RSRC1: variants seen among roughly 807,000 people sequenced by gnomAD.
The protein encoded by RSRC1 is arginine and serine rich coiled-coil 1.
A neutral mutation model predicts 49.1 loss-of-function variants in RSRC1; 39 were observed. The observed-to-expected ratio is 0.79, with a 90% CI of 0.61 to 1.04. RSRC1 has a LOEUF of 1.04. Among genes scored for constraint, RSRC1 ranks in the 50% least tolerant of loss-of-function variants. RSRC1 has a pLI of 0.00. For missense variants in RSRC1, 388 were observed against 402.4 expected, an observed-to-expected ratio of 0.96 and a Z score of 0.31; for synonymous variants, 143 against 130.8, an observed-to-expected ratio of 1.09 and a Z score of -0.63.
intron 4 of RSRC1, among the ~76,000 whole-genome samples, chr3:158,228,587 T>TA (rs964789087): frequency 3.3e-5 from 5 of 151,684 alleles, no homozygotes; most frequent in Non-Finnish European, 5.9e-5. Flanking sequence ...TAAAATTCCT[T>TA]AAAAAAAATT....
At chr3:158,457,374 G>GT (rs1244337100) in intron 6 of RSRC1, among the ~76,000 whole-genome samples, 2 of 152,210 alleles carry the variant, frequency 1.3e-5, no homozygotes, top group East Asian at 3.8e-4. Context: ...TGAGAGATTA[G>GT]TTGGCTGGTG....
intron 4 of RSRC1, among the ~76,000 whole-genome samples, chr3:158,277,056 G>A (rs1725858107): frequency 6.6e-6 from 1 of 152,150 alleles, no homozygotes; most frequent in Non-Finnish European, 1.5e-5. Flanking sequence ...AGGCAAAATT[G>A]AAGGTATCCT....
intron 5 of RSRC1, among the ~76,000 whole-genome samples, chr3:158,324,144 C>G (rs542790995): frequency 9.2e-5 from 14 of 152,082 alleles, no homozygotes; most frequent in Non-Finnish European, 1.9e-4. Context: ...AATTATTTCT[C>G]TATTGTTAGG....
At chr3:158,497,582 G>T (rs188166632) in intron 7 of RSRC1, among the ~76,000 whole-genome samples, 1 of 151,874 alleles carries the variant, frequency 6.6e-6, no homozygotes, top group Non-Finnish European at 1.5e-5. Flanking sequence ...GACTACAGGC[G>T]CGTGCCACCA....
chr3:158,329,527 C>G (rs541886711), intron 5 of RSRC1, among the ~76,000 whole-genome samples: 1 of 152,202 alleles, frequency 6.6e-6, no homozygotes, highest in Non-Finnish European at 1.5e-5. Flanking sequence ...GCCTGGGTAT[C>G]AGCAGCAGAG....
intron 3 of RSRC1, among the ~76,000 whole-genome samples, chr3:158,184,882 A>T (rs1719836508): frequency 6.6e-6 from 1 of 152,066 alleles, no homozygotes; most frequent in African/African-American, 2.4e-5. Context: ...CTGTAAAGGC[A>T]AATTTTATAT....
intron 6 of RSRC1, among the ~76,000 whole-genome samples, chr3:158,367,443 G>T (rs1731830603): frequency 6.6e-6 from 1 of 152,180 alleles, no homozygotes; most frequent in South Asian, 2.1e-4. Context: ...TACATTTATT[G>T]ATTTGAGTAT....
At chr3:158,276,405 T>G (rs1290857601) in intron 4 of RSRC1, 1 of 764,844 alleles carries the variant, frequency 1.3e-6, no homozygotes. Context: ...CTCCTGGATG[T>G]GCTTGTATGC....
chr3:158,455,745 C>T (rs1479673946), intron 6 of RSRC1, among the ~76,000 whole-genome samples: 16 of 151,846 alleles, frequency 1.1e-4, no homozygotes, highest in African/African-American at 4.8e-5. Flanking sequence ...TTTGGGAGGC[C>T]GAGACAAGCG....
intron 7 of RSRC1, among the ~76,000 whole-genome samples, chr3:158,473,967 T>C (rs1738257918): frequency 6.6e-6 from 1 of 152,164 alleles, no homozygotes; most frequent in Admixed American, 6.6e-5. Flanking sequence ...ATTAAGTCTA[T>C]AGTTAATGTA....
chr3:158,140,229 C>G (rs1716659969), intron 3 of RSRC1, among the ~76,000 whole-genome samples: 1 of 152,174 alleles, frequency 6.6e-6, no homozygotes, highest in African/African-American at 2.4e-5. Context: ...AGTCAGTTAC[C>G]TTTCAGCATT....
chr3:158,344,859 G>A (rs1401168131), intron 5 of RSRC1, among the ~76,000 whole-genome samples: 1 of 152,152 alleles, frequency 6.6e-6, no homozygotes, highest in East Asian at 1.9e-4. Flanking sequence ...TGGTAGTATA[G>A]AAGAAATGGT....
chr3:158,352,643 C>T (rs1312030627), intron 5 of RSRC1, among the ~76,000 whole-genome samples: 1 of 152,052 alleles, frequency 6.6e-6, no homozygotes, highest in Non-Finnish European at 1.5e-5. Flanking sequence ...GAATCTGGCC[C>T]GTAAAAGTAC....
intron 7 of RSRC1, among the ~76,000 whole-genome samples, chr3:158,528,323 C>T (rs891287309): frequency 1.3e-5 from 2 of 151,904 alleles, no homozygotes; most frequent in Non-Finnish European, 2.9e-5. Context: ...TTGTATTCAT[C>T]TTTCCTGGTT....
At chr3:158,448,116 T>C (rs1056017482) in intron 6 of RSRC1, among the ~76,000 whole-genome samples, 4 of 151,870 alleles carry the variant, frequency 2.6e-5, no homozygotes, top group African/African-American at 4.8e-5. Context: ...GGAGTTATCA[T>C]AGTGGCCAAA....
At chr3:158,324,599 A>G (rs868707131) in intron 5 of RSRC1, among the ~76,000 whole-genome samples, 7 of 152,158 alleles carry the variant, frequency 4.6e-5, no homozygotes, top group Middle Eastern at 3.2e-3. Flanking sequence ...TCCATGGTGT[A>G]TATGTGCCAC....
Position 158,400,958 on chromosome 3 carries a change from C to A in RSRC1, c.583+46050C>A, listed in dbSNP as rs189965623. 2.0e-4 allele frequency among the ~76,000 whole-genome samples: 31 copies of A among 152,030 alleles called. No individual in the cohort carries two copies. In the East Asian group the frequency reaches 3.9e-3, roughly 19 times the overall value. On this transcript the variant is annotated intron_variant, in intron 6 of 9. Coordinates refer to ENST00000611884, the MANE Select transcript of RSRC1 (RefSeq NM_001271838.2). ...CCTATGCAGCTGTCCATTTTTTAAT[C>A]ATTTATACAATATTTTAATGGTATC... is the stretch of plus-strand genomic sequence containing the variant.
chr3:158,432,226 TTGAA>T (rs1263165624), intron 6 of RSRC1, among the ~76,000 whole-genome samples: 5 of 151,914 alleles, frequency 3.3e-5, no homozygotes, highest in Non-Finnish European at 5.9e-5. Context: ...AAAATTAACT[TTGAA>T]TGAGGATTGA....
At chr3:158,191,956 C>G (rs1303062187) in intron 3 of RSRC1, among the ~76,000 whole-genome samples, 2 of 152,016 alleles carry the variant, frequency 1.3e-5, no homozygotes, top group South Asian at 2.1e-4. Context: ...CTTATGACAA[C>G]TAAGAAGTTA....
Sources: gnomAD v4.1 joint callset for allele counts (sites outside exome capture counted in the v4.1 genomes callset) on GRCh38, gnomAD v4.1.1 for gene constraint, MANE v1.5 for transcripts, NCBI Gene and HGNC (gene_info 2026-07-23, HGNC 2026-07-21) for gene names.